Variants in LRP1B observed in about 807,000 individuals in gnomAD.
LRP1B encodes LDL receptor related protein 1B.
LRP1B carries 217 observed loss-of-function variants against 556.6 expected under a neutral mutation model. That is an observed-to-expected ratio of 0.39 (90% CI 0.35 to 0.44). LRP1B has a LOEUF of 0.44. LRP1B is among the 20% of genes least tolerant of loss of function. LRP1B has a pLI of 1.00. For synonymous variants in LRP1B, 2,047 were observed against 1,865.8 expected, an observed-to-expected ratio of 1.10 and a Z score of -2.50; for missense variants, 5,053 against 5,620.8, an observed-to-expected ratio of 0.90 and a Z score of 3.23.
intron 7 of LRP1B, among the ~76,000 whole-genome samples, 180 bp from the exon 8 acceptor site, chr2:141,062,453 T>C (rs1254908076): frequency 6.6e-6 from 1 of 151,856 alleles, no homozygotes; most frequent in Non-Finnish European, 1.5e-5. Context: ...TAATGAATAT[T>C]GCAGGGCATA....
intron 6 of LRP1B, among the ~76,000 whole-genome samples, chr2:141,214,731 A>G (rs1293057796): frequency 6.6e-6 from 1 of 152,180 alleles, no homozygotes; most frequent in Non-Finnish European, 1.5e-5. Context: ...CCCAAAATAA[A>G]TTTATAGGTG....
At chr2:141,843,754 C>T (rs1286758068) in intron 1 of LRP1B, among the ~76,000 whole-genome samples, 2 of 152,102 alleles carry the variant, frequency 1.3e-5, no homozygotes, top group Admixed American at 6.5e-5. Context: ...TTCCATTGTG[C>T]TACAAATTAT....
At chr2:140,458,632 C>A (rs1330402352) in intron 60 of LRP1B, among the ~76,000 whole-genome samples, 1 of 151,954 alleles carries the variant, frequency 6.6e-6, no homozygotes, top group Non-Finnish European at 1.5e-5. Flanking sequence ...TACTATATTT[C>A]TAGTAATATT....
At chr2:142,129,089 T>G (rs1186923674) in intron 1 of LRP1B, among the ~76,000 whole-genome samples, 1 of 152,208 alleles carries the variant, frequency 6.6e-6, no homozygotes, top group African/African-American at 2.4e-5. Context: ...CATACTGGGC[T>G]GAAAATCTCC....
chr2:141,582,937 G>A (rs1018311775), intron 2 of LRP1B, among the ~76,000 whole-genome samples: 3 of 133,364 alleles, frequency 2.2e-5, no homozygotes, highest in East Asian at 2.4e-4. Context: ...CTGGGTTCAC[G>A]CCATTCTCCT....
chr2:141,718,792 T>C (rs1401231241), intron 2 of LRP1B, among the ~76,000 whole-genome samples: 1 of 152,144 alleles, frequency 6.6e-6, no homozygotes, highest in East Asian at 1.9e-4. Context: ...TGAAGAAATA[T>C]TTCACATCCT....
chr2:140,818,754 G>A (rs987488043), intron 31 of LRP1B, among the ~76,000 whole-genome samples: 3 of 151,924 alleles, frequency 2.0e-5, no homozygotes, highest in Non-Finnish European at 2.9e-5. Context: ...GGCCAACATG[G>A]CAAAACTCCA....
chr2:141,219,862 C>T (rs1401818877), intron 6 of LRP1B, among the ~76,000 whole-genome samples: 3 of 151,922 alleles, frequency 2.0e-5, no homozygotes, highest in African/African-American at 7.3e-5. Context: ...GGCCTGATTG[C>T]CAAAAGAAAA....
At position 141,204,800 on chromosome 2, in the gene LRP1B, G is replaced by A. The variant is rs537081833; in HGVS notation, c.851-16217C>T. ...AAAAATACAAAAATTAGCCAGGTGC[G>A]GTGGCAGGTGCCTGTAATCCCAACT... is the stretch of plus-strand genomic sequence containing the variant. On this transcript the variant is annotated intron_variant, in intron 6 of 90. Coordinates refer to ENST00000389484, the MANE Select transcript of LRP1B (RefSeq NM_018557.3). Among the ~76,000 whole-genome samples, 12 of 152,100 alleles carry A rather than the reference G, an allele frequency of 7.9e-5. No individual in the cohort carries two copies. The East Asian group carries it at 2.3e-3, about 29-fold the overall frequency.
Position 140,360,286 on chromosome 2 carries a change from A to G in LRP1B, c.11132-1340T>C, listed in dbSNP as rs145067397. On this transcript the variant is annotated intron_variant, in intron 72 of 90. Transcript: ENST00000389484. ...ATTGCTTTATTACAGCTTCTTAAAT[A>G]TGTTACACTCCATCCCTGACCTCCT... Among the ~76,000 whole-genome samples the G allele has an allele frequency of 2.1e-4, 32 of 151,554 alleles. No homozygotes were observed. In the East Asian group the frequency reaches 6.1e-3, roughly 29 times the overall value.
Position 140,233,064 on chromosome 2 carries a change from A to G in LRP1B, c.*122T>C. On this transcript the variant is annotated 3_prime_UTR_variant, in exon 91 of 91. Transcript: ENST00000389484. ...AACCCAAAAAACTCAGAAAACAATT[A>G]ACCAGGAAAAAGATAAAGAAAGAGG... is the stretch of plus-strand genomic sequence containing the variant. 1 of 591,826 alleles carries G rather than the reference A, an allele frequency of 1.7e-6. No individual in the cohort carries two copies. The highest frequency in any genetic ancestry group is 3.3e-5 in the East Asian group (1 of 30,446). The allele number at this position is 591,826 out of a possible 1,614,324, so 36.7% of individuals were successfully genotyped here.
At chr2:141,826,092 AG>A (rs1311139347) in intron 1 of LRP1B, among the ~76,000 whole-genome samples, 1 of 152,102 alleles carries the variant, frequency 6.6e-6, no homozygotes, top group Non-Finnish European at 1.5e-5. Context: ...ACAATCAAAA[AG>A]AAAAAAAATC....
chr2:141,764,682 C>T (rs1694676051), intron 2 of LRP1B, among the ~76,000 whole-genome samples: 1 of 107,412 alleles, frequency 9.3e-6, no homozygotes. Flanking sequence ...ATTTAGGACA[C>T]TCAGTCTATG....
At chr2:141,517,717 A>G (rs140099203) in intron 2 of LRP1B, among the ~76,000 whole-genome samples, 14 of 152,332 alleles carry the variant, frequency 9.2e-5, no homozygotes, top group African/African-American at 2.6e-4. Flanking sequence ...GTTAGTCAAC[A>G]TAGGGAATCG....
chr2:140,476,477 A>C (rs2105349717), intron 59 of LRP1B, among the ~76,000 whole-genome samples: 1 of 152,132 alleles, frequency 6.6e-6, no homozygotes, highest in South Asian at 2.1e-4. Context: ...ATTTTTTCTC[A>C]TAAATTCTGA....
At chr2:140,755,210 G>T (rs943086510) in intron 35 of LRP1B, among the ~76,000 whole-genome samples, 2 of 151,984 alleles carry the variant, frequency 1.3e-5, no homozygotes, top group African/African-American at 2.4e-5. Flanking sequence ...AGAACCAGAT[G>T]ACTTTACTTG....
intron 77 of LRP1B, 82 bp downstream of exon 77, chr2:140,350,715 G>C (rs1056470468): frequency 3.1e-5 from 36 of 1,151,986 alleles, no homozygotes; most frequent in Non-Finnish European, 4.4e-5. Flanking sequence ...AGTATAATTA[G>C]ATATTATATT....
intron 3 of LRP1B, among the ~76,000 whole-genome samples, chr2:141,375,316 T>C (rs1356223065): frequency 1.3e-5 from 2 of 152,108 alleles, no homozygotes; most frequent in East Asian, 3.9e-4. Flanking sequence ...GCTTACACTG[T>C]TTCAAGTGTT....
At chr2:141,523,071 G>A (rs1436502755) in intron 2 of LRP1B, among the ~76,000 whole-genome samples, 1 of 152,072 alleles carries the variant, frequency 6.6e-6, no homozygotes, top group Non-Finnish European at 1.5e-5. Flanking sequence ...TCTTAATACA[G>A]AATCAACTGC....
Sources: allele counts gnomAD v4.1 joint callset (sites outside exome capture counted in the v4.1 genomes callset), GRCh38; gene constraint gnomAD v4.1.1; transcripts MANE v1.5; gene names NCBI Gene and HGNC (gene_info 2026-07-23, HGNC 2026-07-21).